Variants in DTNB observed in about 807,000 individuals in gnomAD.
DTNB encodes DTN-B.
Under a neutral mutation model 90.7 loss-of-function variants are expected in DTNB, and 63 were observed. The ratio of observed to expected loss-of-function variants is 0.69; its 90% CI spans 0.57 to 0.86. The LOEUF (loss-of-function observed/expected upper bound fraction) is 0.86, where lower values mean the gene tolerates loss of function less well. Among genes scored for constraint, DTNB ranks in the 40% least tolerant of loss-of-function variants. The pLI, the probability that DTNB is intolerant of heterozygous loss-of-function variation, is 0.00. For synonymous variants in DTNB, 277 were observed against 286.7 expected (o/e 0.97, Z 0.34); for missense variants, 744 against 807.1 (o/e 0.92, Z 0.95).
chr2:25,598,960 T>C (rs977302524), intron 5 of DTNB: 3 of 151,968 alleles, frequency 2.0e-5, no homozygotes, highest in Non-Finnish European at 4.4e-5. Flanking sequence ...TTAAAAACTT[T>C]TAAGTAGAGA....
At chr2:25,640,577 G>A (rs1342009508) in intron 2 of DTNB, among the ~76,000 whole-genome samples, 1 of 152,000 alleles carries the variant, frequency 6.6e-6, no homozygotes, top group Non-Finnish European at 1.5e-5. Flanking sequence ...GTATTATACA[G>A]TCCCACTTTC....
chr2:25,627,322 G>T (rs2074399702), intron 4 of DTNB, among the ~76,000 whole-genome samples: 1 of 152,086 alleles, frequency 6.6e-6, no homozygotes, highest in Non-Finnish European at 1.5e-5. Flanking sequence ...TGAGGCAGGA[G>T]AATCGCTTGA....
chr2:25,547,314 CT>C (rs752439869), intron 8 of DTNB, among the ~76,000 whole-genome samples: 2 of 123,436 alleles, frequency 1.6e-5, no homozygotes, highest in African/African-American at 6.2e-5. Context: ...CACCTGTATT[CT>C]TTCTTTCCTT....
intron 5 of DTNB, among the ~76,000 whole-genome samples, chr2:25,605,018 C>A (rs2066792440): frequency 6.6e-6 from 1 of 152,194 alleles, no homozygotes; most frequent in Non-Finnish European, 1.5e-5. Flanking sequence ...TGCACCCAGC[C>A]AAGTTCTGTT....
chr2:25,671,034 A>G (rs1414537935), intron 1 of DTNB, among the ~76,000 whole-genome samples: 1 of 152,228 alleles, frequency 6.6e-6, no homozygotes, highest in Non-Finnish European at 1.5e-5. Flanking sequence ...TGTTCAAGTG[A>G]CCACTGTTTT....
At chr2:25,659,510 G>C (rs1369455499) in intron 1 of DTNB, among the ~76,000 whole-genome samples, 2 of 151,714 alleles carry the variant, frequency 1.3e-5, no homozygotes, top group Non-Finnish European at 2.9e-5. Flanking sequence ...TAGCAAAACA[G>C]AGCAACAAAA....
chr2:25,639,134 A>G (rs1399640820), intron 2 of DTNB, 40 bp from the exon 3 acceptor site: 2 of 1,517,756 alleles, frequency 1.3e-6, no homozygotes, highest in Non-Finnish European at 1.8e-6. Context: ...TAGATTTACC[A>G]TTTAGTTTCC....
At chr2:25,667,506 T>G (rs557540676) in intron 1 of DTNB, among the ~76,000 whole-genome samples, 1 of 151,710 alleles carries the variant, frequency 6.6e-6, no homozygotes, top group Admixed American at 6.6e-5. Flanking sequence ...AAAAAAAAAG[T>G]CTGTACTTCA....
chr2:25,459,168 AG>A (rs1035672273), intron 10 of DTNB, among the ~76,000 whole-genome samples: 9 of 151,576 alleles, frequency 5.9e-5, no homozygotes, highest in African/African-American at 2.2e-4. Context: ...AAGTATTTGT[AG>A]GTTTATAGTT....
At chr2:25,392,838 C>G (rs1558323884) in intron 16 of DTNB, among the ~76,000 whole-genome samples, 1 of 152,146 alleles carries the variant, frequency 6.6e-6, no homozygotes, top group Non-Finnish European at 1.5e-5. Context: ...TGGTACCAAT[C>G]CTACTGACAC....
At chr2:25,386,160 C>T (rs1296641990) in intron 18 of DTNB, 1 of 970,844 alleles carries the variant, frequency 1.0e-6, no homozygotes, top group Non-Finnish European at 1.2e-6. Context: ...CAGCGTCTGA[C>T]CTTAACTGAC....
At chr2:25,525,623 C>T (rs956860462) in intron 9 of DTNB, among the ~76,000 whole-genome samples, 1 of 149,360 alleles carries the variant, frequency 6.7e-6, no homozygotes, top group South Asian at 2.1e-4. Flanking sequence ...GCAACAAGAG[C>T]GAAATTCCGT....
intron 10 of DTNB, 54 bp downstream of exon 10, chr2:25,482,742 C>T (rs2065219266): frequency 8.9e-6 from 14 of 1,580,532 alleles, no homozygotes; most frequent in African/African-American, 1.3e-5. Flanking sequence ...GCAGGGGCAT[C>T]GCAAATCAGT....
chr2:25,461,954 G>A (rs1380337804), intron 10 of DTNB, among the ~76,000 whole-genome samples: 1 of 152,146 alleles, frequency 6.6e-6, no homozygotes, highest in Non-Finnish European at 1.5e-5. Context: ...CTCCGTGATC[G>A]GCACATTCCC....
Position 25,455,128 on chromosome 2 carries a change from G to C in DTNB, c.1169+277C>G, listed in dbSNP as rs6733060. Among the ~76,000 whole-genome samples, 44,989 of 152,018 alleles carry C rather than the reference G, an allele frequency of 0.3. 7,861 individuals are homozygous for C. Among genetic ancestry groups the C allele is most frequent in the East Asian group, 0.57 (2,973 of 5,174 alleles). ...TCTGTGAGTACTGCGATCCCTCATA[G>C]GTTTATATATTTTTTGAGTGTAAGC... On this transcript the variant is annotated intron_variant, in intron 11 of 20. Coordinates refer to ENST00000406818, the MANE Select transcript of DTNB (RefSeq NM_021907.5).
At chr2:25,562,394 C>A (rs958273840) in intron 8 of DTNB, among the ~76,000 whole-genome samples, 12 of 152,220 alleles carry the variant, frequency 7.9e-5, no homozygotes, top group Admixed American at 7.2e-4. Flanking sequence ...TGACCATTCA[C>A]ATACAAGTTT....
chr2:25,418,438 C>T (rs968772084), intron 16 of DTNB, among the ~76,000 whole-genome samples: 3 of 152,106 alleles, frequency 2.0e-5, no homozygotes, highest in Non-Finnish European at 2.9e-5. Flanking sequence ...TGGTGGCTCA[C>T]GCCTGTAATC....
At chr2:25,542,189 G>A (rs899747730) in intron 8 of DTNB, among the ~76,000 whole-genome samples, 11 of 151,856 alleles carry the variant, frequency 7.2e-5, no homozygotes, top group Admixed American at 1.3e-4. Context: ...ATCTTGGCTC[G>A]CTGCAACCTC....
intron 10 of DTNB, among the ~76,000 whole-genome samples, chr2:25,470,586 A>G (rs1437278997): frequency 6.6e-6 from 1 of 152,016 alleles, no homozygotes; most frequent in African/African-American, 2.4e-5. Context: ...CATTTTGGAC[A>G]GGCCAGTCTT....
Sources: gnomAD v4.1 joint callset for allele counts (sites outside exome capture counted in the v4.1 genomes callset) on GRCh38, gnomAD v4.1.1 for gene constraint, MANE v1.5 for transcripts, NCBI Gene and HGNC (gene_info 2026-07-23, HGNC 2026-07-21) for gene names.